The following DNAH8 variants were observed in gnomAD, a reference collection of about 807,000 sequenced individuals.
DNAH8 encodes dynein axonemal heavy chain 8.
In DNAH8, 382 loss-of-function variants were observed where a neutral mutation model predicts 562.1. The observed-to-expected ratio is 0.68, with a 90% CI of 0.63 to 0.74. The LOEUF is 0.74. Among genes scored for constraint, DNAH8 ranks in the 30% least tolerant of loss-of-function variants. The probability of loss-of-function intolerance (pLI) is 0.00; values close to 1 mark genes in which losing one functional copy is unlikely to be tolerated. For missense variants in DNAH8, 5,203 were observed against 5,620.4 expected, an observed-to-expected ratio of 0.93 and a Z score of 2.37; for synonymous variants, 1,881 against 1,919.4, an observed-to-expected ratio of 0.98 and a Z score of 0.52.
chr6:39,004,768 A>G (rs528369030), intron 88 of DNAH8, among the ~76,000 whole-genome samples: 13 of 152,334 alleles, frequency 8.5e-5, no homozygotes, highest in African/African-American at 3.1e-4. Flanking sequence ...CATTTTGCAT[A>G]AGCAGAATTA....
intron 33 of DNAH8, among the ~76,000 whole-genome samples, chr6:38,841,385 C>T (rs561072525): frequency 2.0e-5 from 3 of 152,278 alleles, no homozygotes; most frequent in African/African-American, 7.2e-5. Flanking sequence ...TGCCACTGCA[C>T]TCCAGCCTGG....
At chr6:38,849,488 T>C (rs570273015) in intron 37 of DNAH8, among the ~76,000 whole-genome samples, 111 of 152,122 alleles carry the variant, frequency 7.3e-4, no homozygotes, top group African/African-American at 2.5e-3. Flanking sequence ...ATTAGAAAAT[T>C]AAGCCTGATC....
At chr6:38,974,676 G>A (rs1763558623) in intron 85 of DNAH8, 147 bp downstream of exon 85, 2 of 632,496 alleles carry the variant, frequency 3.2e-6, no homozygotes, top group African/African-American at 1.8e-5. Flanking sequence ...ACCTGGTATA[G>A]TGTATATTTG....
At chr6:38,744,018 T>G (rs1254243407) in intron 8 of DNAH8, 1 of 152,220 alleles carries the variant, frequency 6.6e-6, no homozygotes. Context: ...AAATATTTCC[T>G]TAGGTTGGAC....
intron 83 of DNAH8, among the ~76,000 whole-genome samples, chr6:38,973,460 A>G (rs946565048): frequency 2.1e-4 from 32 of 152,214 alleles, no homozygotes; most frequent in African/African-American, 7.7e-4. Flanking sequence ...AATCATTTTG[A>G]ACCCACTTGA....
intron 58 of DNAH8, among the ~76,000 whole-genome samples, chr6:38,893,051 C>T (rs1779443373): frequency 6.6e-6 from 1 of 152,086 alleles, no homozygotes; most frequent in South Asian, 2.1e-4. Context: ...TATATTTGTT[C>T]CCTGTTCATT....
Position 38,785,591 on chromosome 6 carries a change from C to G in DNAH8, c.2396-1174C>G, listed in dbSNP as rs11970287. Among the ~76,000 whole-genome samples the G allele has an allele frequency of 6.4e-3, 967 of 152,124 alleles. 4 individuals carry two copies. The highest frequency in any genetic ancestry group is 0.027 in the Middle Eastern group (8 of 294). On this transcript the variant is annotated intron_variant, in intron 17 of 92. Coordinates refer to ENST00000327475, the MANE Select transcript of DNAH8 (RefSeq NM_001206927.2). ...CACCTGTCATCTAGATTTTAAGCCC[C>G]GCATGCATTAGGTACTTTGTCCTAA...
chr6:38,864,463 A>G (rs1776888300), intron 45 of DNAH8, among the ~76,000 whole-genome samples: 1 of 152,228 alleles, frequency 6.6e-6, no homozygotes, highest in African/African-American at 2.4e-5. Context: ...CCACATGTCC[A>G]CTGTGGGTTG....
intron 12 of DNAH8, among the ~76,000 whole-genome samples, chr6:38,773,185 T>G (rs75898126): frequency 0.02 from 3,092 of 152,002 alleles, 120 homozygotes; most frequent in African/African-American, 0.07. Context: ...TAAATAGGTC[T>G]CATTGGTCAG....
chr6:38,722,817 AG>A lies in DNAH8; in HGVS notation c.10del (p.Asp4MetfsTer68). On this transcript the variant is annotated frameshift_variant, in exon 2 of 93. Coordinates refer to ENST00000327475, the MANE Select transcript of DNAH8 (RefSeq NM_001206927.2). LOFTEE classifies it high-confidence loss of function. ...CATTCCGCACGACGGGGGATGGAGA[AG>A]GATGCTGAAGATGGCGCCCCTTCTG... ME[K>X]DAEDGAPSEG... is the part of the protein sequence containing the mutation. 3.8e-6 allele frequency: 6 copies of A among 1,584,944 alleles called. No individual in the cohort carries two copies. Among genetic ancestry groups the A allele is most frequent in the Non-Finnish European group, 5.1e-6 (6 of 1,167,244 alleles).
intron 62 of DNAH8, among the ~76,000 whole-genome samples, chr6:38,903,403 T>C (rs548374051): frequency 6.6e-6 from 1 of 151,934 alleles, no homozygotes; most frequent in African/African-American, 2.4e-5. Flanking sequence ...AACCAGATCT[T>C]ATATGAACTC....
chr6:38,759,564 G>C (rs1437175743), intron 10 of DNAH8, among the ~76,000 whole-genome samples: 2 of 151,960 alleles, frequency 1.3e-5, no homozygotes, highest in East Asian at 3.9e-4. Flanking sequence ...TTTTAGTTCT[G>C]ACAATGATTC....
chr6:38,953,476 T>A (rs1762051462), intron 82 of DNAH8, among the ~76,000 whole-genome samples: 1 of 152,252 alleles, frequency 6.6e-6, no homozygotes, highest in South Asian at 2.1e-4. Flanking sequence ...TCATACTGCT[T>A]TGCTTGGCAA....
chr6:38,972,031 C>T (rs1023512910), intron 83 of DNAH8: 1 of 164,970 alleles, frequency 6.1e-6, no homozygotes, highest in African/African-American at 2.4e-5. Context: ...CAGTTAAAGG[C>T]AGACTTTCAT....
chr6:38,980,642 G>C (rs757626659), intron 85 of DNAH8, among the ~76,000 whole-genome samples: 19 of 152,164 alleles, frequency 1.2e-4, no homozygotes, highest in Non-Finnish European at 2.4e-4. Flanking sequence ...ATTAGCTAAG[G>C]GATAGGTGTG....
intron 26 of DNAH8, among the ~76,000 whole-genome samples, chr6:38,816,680 G>A (rs867739823): frequency 2.0e-5 from 3 of 152,078 alleles, no homozygotes; most frequent in Middle Eastern, 3.2e-3. Context: ...TACAATGGTC[G>A]AACTAATTTA....
intron 88 of DNAH8, 34 bp downstream of exon 88, chr6:38,990,206 C>T (rs753038748): frequency 6.9e-7 from 1 of 1,455,144 alleles, no homozygotes; most frequent in Non-Finnish European, 9.5e-7. Flanking sequence ...TTGAAGGGGT[C>T]ATTTGTAACT....
intron 75 of DNAH8, 45 bp from the exon 76 acceptor site, chr6:38,931,766 C>T: frequency 7.6e-7 from 1 of 1,314,860 alleles, no homozygotes; most frequent in Non-Finnish European, 1.0e-6. Flanking sequence ...AGTTCCTTTC[C>T]CTGCCCTTTA....
intron 7 of DNAH8, among the ~76,000 whole-genome samples, chr6:38,740,284 AT>A (rs1311957141): frequency 6.6e-6 from 1 of 152,200 alleles, no homozygotes; most frequent in African/African-American, 2.4e-5. Flanking sequence ...GTGTACATGA[AT>A]TTAGAGAAAA....
Sources: gnomAD v4.1 joint callset for allele counts (sites outside exome capture counted in the v4.1 genomes callset) on GRCh38, gnomAD v4.1.1 for gene constraint, MANE v1.5 for transcripts, NCBI Gene and HGNC (gene_info 2026-07-23, HGNC 2026-07-21) for gene names.